PLXNA2: variants seen among roughly 807,000 people sequenced by gnomAD.
PLXNA2 encodes plexin-A2.
Under a neutral mutation model 193.5 loss-of-function variants are expected in PLXNA2, and 91 were observed. The observed-to-expected ratio is 0.47, with a 90% CI of 0.40 to 0.56. The LOEUF (loss-of-function observed/expected upper bound fraction) is 0.56, where lower values mean the gene tolerates loss of function less well. Among genes scored for constraint, PLXNA2 ranks in the 20% least tolerant of loss-of-function variants. The pLI, the probability that PLXNA2 is intolerant of heterozygous loss-of-function variation, is 0.00. For missense variants in PLXNA2, 1,995 were observed against 2,503.2 expected, an observed-to-expected ratio of 0.80 and a Z score of 4.33; for synonymous variants, 997 against 1,027.3, an observed-to-expected ratio of 0.97 and a Z score of 0.56.
chr1:208,168,174 G>T (rs941818646), intron 3 of PLXNA2, among the ~76,000 whole-genome samples: 1 of 152,168 alleles, frequency 6.6e-6, no homozygotes, highest in African/African-American at 2.4e-5. Context: ...GAACTAAAAG[G>T]TGTAATTTAG....
chr1:208,112,627 T>C (rs1667517481), intron 4 of PLXNA2, among the ~76,000 whole-genome samples: 1 of 152,218 alleles, frequency 6.6e-6, no homozygotes, highest in Non-Finnish European at 1.5e-5. Flanking sequence ...TCTTCTATGA[T>C]GGGTGACCTT....
chr1:208,207,655 T>C (rs746169393), intron 3 of PLXNA2, among the ~76,000 whole-genome samples: 4 of 151,998 alleles, frequency 2.6e-5, no homozygotes, highest in Non-Finnish European at 4.4e-5. Flanking sequence ...TTCCTTCCTG[T>C]GTTGAAAGAG....
intron 3 of PLXNA2, among the ~76,000 whole-genome samples, chr1:208,173,084 A>C (rs947765255): frequency 6.6e-6 from 1 of 152,214 alleles, no homozygotes; most frequent in South Asian, 2.1e-4. Context: ...TCCTGGCTTT[A>C]CCACTAACAA....
intron 2 of PLXNA2, among the ~76,000 whole-genome samples, chr1:208,212,758 G>C (rs905669465): frequency 3.3e-5 from 5 of 152,108 alleles, no homozygotes; most frequent in African/African-American, 9.7e-5. Context: ...GCAGGTCAGA[G>C]TTATCAGCTA....
chr1:208,070,142 C>T (rs1198868637), intron 12 of PLXNA2, among the ~76,000 whole-genome samples: 4 of 152,264 alleles, frequency 2.6e-5, no homozygotes, highest in African/African-American at 9.6e-5. Flanking sequence ...CTGGCCTGCT[C>T]TTCGCTTCTG....
intron 9 of PLXNA2, among the ~76,000 whole-genome samples, chr1:208,085,943 C>A (rs1313898164): frequency 6.6e-6 from 1 of 152,166 alleles, no homozygotes; most frequent in Non-Finnish European, 1.5e-5. Flanking sequence ...TTGATTACCT[C>A]TTCTTTTACT....
intron 3 of PLXNA2, among the ~76,000 whole-genome samples, chr1:208,186,091 G>A (rs1390493962): frequency 1.3e-5 from 2 of 152,166 alleles, no homozygotes; most frequent in African/African-American, 2.4e-5. Context: ...TTCTGAGAGC[G>A]CTATCTTCAT....
At chr1:208,234,999 G>A (rs757485389) in intron 1 of PLXNA2, among the ~76,000 whole-genome samples, 1 of 152,210 alleles carries the variant, frequency 6.6e-6, no homozygotes, top group Admixed American at 6.5e-5. Flanking sequence ...CAGCCAGGCA[G>A]CCAGATACCC....
At chr1:208,129,373 T>C (rs1668079191) in intron 4 of PLXNA2, among the ~76,000 whole-genome samples, 1 of 152,242 alleles carries the variant, frequency 6.6e-6, no homozygotes, top group South Asian at 2.1e-4. Context: ...GGGTGCATGA[T>C]GGCTTCCTAC....
intron 5 of PLXNA2, among the ~76,000 whole-genome samples, chr1:208,100,270 G>A (rs1667053087): frequency 6.6e-6 from 1 of 152,018 alleles, no homozygotes; most frequent in Admixed American, 6.6e-5. Context: ...TCAAGAGGCT[G>A]AGTTGGTTAG....
At chr1:208,128,946 C>T (rs1668059331) in intron 4 of PLXNA2, among the ~76,000 whole-genome samples, 1 of 152,154 alleles carries the variant, frequency 6.6e-6, no homozygotes, top group Non-Finnish European at 1.5e-5. Flanking sequence ...CCACCCGCCT[C>T]AGCCTCGCAA....
chr1:208,102,981 CA>C (rs1667143975), intron 5 of PLXNA2, among the ~76,000 whole-genome samples, 165 bp downstream of exon 5: 1 of 152,214 alleles, frequency 6.6e-6, no homozygotes, highest in South Asian at 2.1e-4. Context: ...AAGGCCCACC[CA>C]TGGCCTCTTT....
At chr1:208,030,299 C>T in intron 29 of PLXNA2, 1 of 985,484 alleles carries the variant, frequency 1.0e-6, no homozygotes, top group Non-Finnish European at 1.2e-6. Context: ...CACCACGATG[C>T]CAGGGTAGTC....
At chr1:208,129,697 A>G (rs893779253) in intron 4 of PLXNA2, among the ~76,000 whole-genome samples, 2 of 152,110 alleles carry the variant, frequency 1.3e-5, no homozygotes, top group African/African-American at 4.8e-5. Flanking sequence ...TCCTTGACTC[A>G]CAGGCTATAT....
intron 3 of PLXNA2, among the ~76,000 whole-genome samples, chr1:208,149,951 A>G (rs977103433): frequency 6.6e-6 from 1 of 152,166 alleles, no homozygotes; most frequent in Non-Finnish European, 1.5e-5. Flanking sequence ...GAAAACATTA[A>G]CTAAGCTTGC....
At chr1:208,175,703 A>T (rs1384126659) in intron 3 of PLXNA2, among the ~76,000 whole-genome samples, 1 of 152,120 alleles carries the variant, frequency 6.6e-6, no homozygotes, top group Non-Finnish European at 1.5e-5. Context: ...TCCCCAGGGG[A>T]ATGGGCTGGA....
rs369811932 is a variant in PLXNA2 at position 208,057,700 on chromosome 1, G to A, written c.2738+2986C>T. On this transcript the variant is annotated intron_variant, in intron 13 of 31. Transcript: ENST00000367033. ...CCCTATGTATTGTTAGGAGACAATC[G>A]CTGGAGATGCCTAGATTCTCTCCTT... 5.3e-5 allele frequency among the ~76,000 whole-genome samples: 8 copies of A among 152,244 alleles called. No individual in the cohort carries two copies. The South Asian group carries it at 6.2e-4, about 12-fold the overall frequency.
At chr1:208,138,012 T>C (rs1668353529) in intron 4 of PLXNA2, among the ~76,000 whole-genome samples, 1 of 152,166 alleles carries the variant, frequency 6.6e-6, no homozygotes, top group Non-Finnish European at 1.5e-5. Flanking sequence ...TGAGAGTAGG[T>C]TGCCCAGAGA....
At chr1:208,045,294 C>T (rs540643639) in intron 18 of PLXNA2, 84 bp from the exon 19 acceptor site, 99 of 1,415,190 alleles carry the variant, frequency 7.0e-5, no homozygotes, top group African/African-American at 5.0e-4. Flanking sequence ...ATTAAGGAGA[C>T]GGGGAAGGGC....
Sources: allele counts gnomAD v4.1 joint callset (sites outside exome capture counted in the v4.1 genomes callset), GRCh38; gene constraint gnomAD v4.1.1; transcripts MANE v1.5; gene names NCBI Gene and HGNC (gene_info 2026-07-23, HGNC 2026-07-21).